LRRC49: variants seen among roughly 807,000 people sequenced by gnomAD.
LRRC49 encodes leucine-rich repeat-containing protein 49.
LRRC49 carries 50 observed loss-of-function variants against 83.3 expected under a neutral mutation model. That is an observed-to-expected ratio of 0.60 (90% CI 0.48 to 0.76). The LOEUF is 0.76. Ranked by LOEUF, LRRC49 falls within the 30% of genes least tolerant of loss-of-function variation. The pLI, the probability that LRRC49 is intolerant of heterozygous loss-of-function variation, is 0.00. For synonymous variants in LRRC49, 286 were observed against 283.3 expected (o/e 1.01, Z -0.10); for missense variants, 704 against 809.1 (o/e 0.87, Z 1.58).
chr15:70,929,977 A>C (rs2035346845), intron 7 of LRRC49, among the ~76,000 whole-genome samples: 1 of 152,054 alleles, frequency 6.6e-6, no homozygotes, highest in Admixed American at 6.6e-5. Flanking sequence ...AAAGTCATCC[A>C]TGAGGTTTGG....
In LRRC49 at chr15:70,988,448, A is replaced by G. The variant is rs1195468430; in HGVS notation, c.1169+4191A>G. Among the ~76,000 whole-genome samples the G allele has an allele frequency of 2.4e-4, 37 of 151,804 alleles. 2 individuals carry two copies. In the South Asian group the frequency reaches 7.3e-3, roughly 30 times the overall value. The stretch of plus-strand genomic sequence containing the variant: ...TTTAAAGTCTGTTTTATCAGAGACT[A>G]GGATTGCAACCCCTGCCTTTTTTTG... On this transcript the variant is annotated intron_variant, in intron 11 of 15. Coordinates refer to ENST00000260382, the MANE Select transcript of LRRC49 (RefSeq NM_017691.5).
chr15:70,854,454 T>G (rs978458194), intron 1 of LRRC49, among the ~76,000 whole-genome samples: 60 of 152,162 alleles, frequency 3.9e-4, no homozygotes, highest in African/African-American at 1.4e-3. Context: ...CTCCTGCGCC[T>G]TCTTTCACGG....
chr15:70,959,560 AG>A, intron 8 of LRRC49, among the ~76,000 whole-genome samples: 1 of 126,578 alleles, frequency 7.9e-6, no homozygotes, highest in Non-Finnish European at 1.7e-5. Flanking sequence ...GAAGGAAGGA[AG>A]GAAGGAAGGA....
At position 70,980,167 on chromosome 15, in the gene LRRC49, A is replaced by G; in HGVS notation, c.988A>G (p.Lys330Glu). Residue 330 changes from lysine (K) to glutamate (E), a missense_variant, in exon 10 of 16, where the codon AAA becomes GAA. Physicochemically the swap from Lys to Glu is moderately conservative, Grantham distance 56. Transcript: ENST00000260382. Reference sequence around the variant, plus strand: ...GGAAGAGAAGAAGCGGGAAAGTCATAAACAATCTTTGCTTAAGGTATTTTC... The same window carrying G: ...GGAAGAGAAGAAGCGGGAAAGTCATGAACAATCTTTGCTTAAGGTATTTTC... ...KEEEKKRESH[K>E]QSLLKEKKRL... 2 of 1,611,868 alleles carry G rather than the reference A, an allele frequency of 1.2e-6. No homozygotes were observed. The highest frequency in any genetic ancestry group is 2.2e-5 in the South Asian group (2 of 90,832).
At chr15:70,985,987 A>G (rs1186723146) in intron 11 of LRRC49, among the ~76,000 whole-genome samples, 3 of 149,758 alleles carry the variant, frequency 2.0e-5, no homozygotes, top group East Asian at 2.0e-4. Context: ...CCATTGATCT[A>G]TATCTCTGTT....
At chr15:70,975,022 T>C (rs907878047) in intron 9 of LRRC49, among the ~76,000 whole-genome samples, 26 of 152,324 alleles carry the variant, frequency 1.7e-4, no homozygotes, top group African/African-American at 5.8e-4. Flanking sequence ...CAATTAATTA[T>C]GAGATGTGAT....
At chr15:70,923,790 C>A (rs980477198) in intron 7 of LRRC49, among the ~76,000 whole-genome samples, 4 of 151,798 alleles carry the variant, frequency 2.6e-5, no homozygotes, top group African/African-American at 9.7e-5. Context: ...CTTACTTTCT[C>A]CCTTTTTCCT....
At chr15:70,907,883 G>A (rs979358501) in intron 5 of LRRC49, 3 of 431,384 alleles carry the variant, frequency 7.0e-6, no homozygotes, top group African/African-American at 2.0e-5. Context: ...CAAATTTGGG[G>A]GCACTGGCTA....
chr15:70,870,956 T>TTTG (rs1555424842), intron 1 of LRRC49, among the ~76,000 whole-genome samples: 2 of 150,116 alleles, frequency 1.3e-5, no homozygotes, highest in African/African-American at 2.5e-5. Flanking sequence ...TTTTTTTTTT[T>TTTG]TTTTTTTTTA....
At chr15:71,015,548 G>A (rs1005623686) in intron 14 of LRRC49, among the ~76,000 whole-genome samples, 1 of 152,138 alleles carries the variant, frequency 6.6e-6, no homozygotes, top group Admixed American at 6.5e-5. Flanking sequence ...TATGTGGCCC[G>A]GTTCCTAACA....
At chr15:70,877,298 G>A (rs1383876934) in intron 2 of LRRC49, among the ~76,000 whole-genome samples, 1 of 152,148 alleles carries the variant, frequency 6.6e-6, no homozygotes, top group Admixed American at 6.5e-5. Context: ...TCACATTGGG[G>A]TATAAAACAT....
intron 1 of LRRC49, among the ~76,000 whole-genome samples, chr15:70,864,488 G>A (rs2032868294): frequency 6.6e-6 from 1 of 152,122 alleles, no homozygotes; most frequent in South Asian, 2.1e-4. Flanking sequence ...TCTGGCTCCA[G>A]GCTGCCTTTC....
At chr15:70,912,788 T>A (rs1392438786) in intron 6 of LRRC49, among the ~76,000 whole-genome samples, 1 of 152,064 alleles carries the variant, frequency 6.6e-6, no homozygotes. Context: ...GCCATTCTCC[T>A]GCCTCAGCCT....
intron 1 of LRRC49, among the ~76,000 whole-genome samples, chr15:70,855,959 C>T (rs1025245281): frequency 4.6e-5 from 7 of 152,092 alleles, no homozygotes; most frequent in African/African-American, 1.7e-4. Flanking sequence ...TTGATAATTT[C>T]GGTTCCTGAA....
intron 6 of LRRC49, among the ~76,000 whole-genome samples, chr15:70,916,585 G>C (rs1449102634): frequency 6.6e-6 from 1 of 152,140 alleles, no homozygotes; most frequent in Non-Finnish European, 1.5e-5. Flanking sequence ...GTGAGCTACC[G>C]CGCCTGGCCT....
At chr15:71,048,195 C>T (rs575514490) in intron 15 of LRRC49, among the ~76,000 whole-genome samples, 1 of 150,818 alleles carries the variant, frequency 6.6e-6, no homozygotes, top group African/African-American at 2.4e-5. Flanking sequence ...TCAAACGATT[C>T]TCCCACCTCA....
intron 9 of LRRC49, among the ~76,000 whole-genome samples, chr15:70,968,338 A>G (rs1278391302): frequency 6.6e-6 from 1 of 152,180 alleles, no homozygotes; most frequent in East Asian, 1.9e-4. Flanking sequence ...ATGGCTGCAT[A>G]GTATTCCATG....
intron 15 of LRRC49, among the ~76,000 whole-genome samples, chr15:71,038,606 G>T (rs879266605): frequency 6.6e-6 from 1 of 152,016 alleles, no homozygotes; most frequent in African/African-American, 2.4e-5. Flanking sequence ...CCTACAAGAT[G>T]TTCTACTTTA....
chr15:71,037,135 G>A (rs2039545003), intron 14 of LRRC49, 44 bp from the exon 15 acceptor site: 1 of 1,386,972 alleles, frequency 7.2e-7, no homozygotes, highest in African/African-American at 1.5e-5. Flanking sequence ...GTTTTAGTAA[G>A]TCTGATAAGT....
Sources: allele counts gnomAD v4.1 joint callset (sites outside exome capture counted in the v4.1 genomes callset), GRCh38; gene constraint gnomAD v4.1.1; transcripts MANE v1.5; gene names NCBI Gene and HGNC (gene_info 2026-07-23, HGNC 2026-07-21).